ABCC2: variants seen among roughly 807,000 people sequenced by gnomAD.
ABCC2 encodes the protein ATP binding cassette subfamily C member 2, also known as ATP-binding cassette sub-family C member 2.
Under a neutral mutation model 173.4 loss-of-function variants are expected in ABCC2, and 157 were observed. The ratio of observed to expected loss-of-function variants is 0.91; its 90% CI spans 0.80 to 1.03. ABCC2 has a LOEUF of 1.03. Among genes scored for constraint, ABCC2 ranks in the 50% least tolerant of loss-of-function variants. The pLI is 0.00. For missense variants in ABCC2, 1,822 were observed against 1,852.3 expected, an observed-to-expected ratio of 0.98 and a Z score of 0.30; for synonymous variants, 657 against 693.5, an observed-to-expected ratio of 0.95 and a Z score of 0.83.
chr10:99,790,636 G>A (rs1312000377), intron 2 of ABCC2, among the ~76,000 whole-genome samples: 1 of 152,022 alleles, frequency 6.6e-6, no homozygotes, highest in African/African-American at 2.4e-5. Flanking sequence ...TTACCTAAAG[G>A]CAACCATAGC....
chr10:99,851,442 A>G, intron 31 of ABCC2, 60 bp from the exon 32 acceptor site: 3 of 1,605,808 alleles, frequency 1.9e-6, no homozygotes, highest in Non-Finnish European at 2.6e-6. Flanking sequence ...TTATTCTTAT[A>G]AATGCCTAGA....
Position 99,834,476 on chromosome 10 carries a change from GC to G in ABCC2, c.3357del (p.Thr1120LeufsTer29). 1 of 1,614,102 alleles carries G rather than the reference GC, an allele frequency of 6.2e-7. No homozygotes were observed. Among genetic ancestry groups the G allele is most frequent in the African/African-American group, 1.3e-5 (1 of 75,028 alleles). ...IISTLVMICM[A>X]TPVFTIIVIP... ...CAGCACCCTTGTCATGATCTGCATG[GC>G]CACTCCTGTCTTCACCATCATCGTC... On this transcript the variant is annotated frameshift_variant, in exon 24 of 32. Coordinates refer to ENST00000647814, the MANE Select transcript of ABCC2 (RefSeq NM_000392.5). LOFTEE classifies it high-confidence loss of function.
intron 2 of ABCC2, among the ~76,000 whole-genome samples, chr10:99,789,747 AAGAAAAGG>A (rs2037782757): frequency 8.5e-6 from 1 of 116,980 alleles, no homozygotes; most frequent in African/African-American, 3.3e-5. Flanking sequence ...AAGAAAAAGA[AAGAAAAGG>A]AAAGGTGGAG....
At chr10:99,804,752 T>G (rs377661465) in intron 10 of ABCC2, among the ~76,000 whole-genome samples, 1 of 152,230 alleles carries the variant, frequency 6.6e-6, no homozygotes, top group Admixed American at 6.5e-5. Context: ...GTGGGTGGAC[T>G]TGACAGTGTA....
At chr10:99,826,045 A>C (rs537579629) in intron 19 of ABCC2, among the ~76,000 whole-genome samples, 49 of 152,270 alleles carry the variant, frequency 3.2e-4, no homozygotes, top group African/African-American at 7.0e-4. Context: ...TGACTAGCCC[A>C]ATGTTTTCCT....
At chr10:99,816,999 C>T (rs1482486479) in intron 16 of ABCC2, among the ~76,000 whole-genome samples, 2 of 152,196 alleles carry the variant, frequency 1.3e-5, no homozygotes, top group African/African-American at 4.8e-5. Flanking sequence ...TCCTAGTAAA[C>T]TCAATTGGGT....
chr10:99,791,468 T>C (rs2037811211), intron 2 of ABCC2, among the ~76,000 whole-genome samples: 1 of 152,190 alleles, frequency 6.6e-6, no homozygotes. Context: ...AACCTAGTAC[T>C]TTCTGTTGCT....
rs1462317841 is a variant in ABCC2, at chr10:99,841,913, T to G, written c.3615-54T>G. 2.0e-5 allele frequency: 33 copies of G among 1,613,484 alleles called. 1 individual carries two copies. The South Asian group carries it at 3.6e-4, about 18-fold the overall frequency. On this transcript the variant is annotated intron_variant, in intron 25 of 31. Coordinates refer to ENST00000647814, the MANE Select transcript of ABCC2 (RefSeq NM_000392.5). ...GTTCTGTGAACGCCAAGGTTGCTGG[T>G]TAAGATGAGGACGTGATCAGTGACA...
chr10:99,784,199 C>A (rs1187623582), intron 1 of ABCC2, among the ~76,000 whole-genome samples: 1 of 152,188 alleles, frequency 6.6e-6, no homozygotes, highest in East Asian at 1.9e-4. Flanking sequence ...ATGGCGCCTG[C>A]ATGTTTGAAT....
chr10:99,784,481 A>G, intron 1 of ABCC2, 127 bp from the exon 2 acceptor site: 1 of 1,023,624 alleles, frequency 9.8e-7, no homozygotes, highest in Non-Finnish European at 1.5e-6. Flanking sequence ...ACGGATAGTT[A>G]AAGGGTAAGG....
intron 19 of ABCC2, among the ~76,000 whole-genome samples, chr10:99,820,852 C>T (rs917135264): frequency 3.9e-5 from 6 of 152,124 alleles, no homozygotes; most frequent in Non-Finnish European, 8.8e-5. Context: ...GGGTGTTTCT[C>T]GTAAGGTGGA....
At chr10:99,818,985 T>C (rs1057291728) in intron 18 of ABCC2, 28 bp downstream of exon 18, 1 of 1,609,062 alleles carries the variant, frequency 6.2e-7, no homozygotes, top group Non-Finnish European at 8.5e-7. Context: ...ATGATGAAGA[T>C]ATAAAGGTGG....
Position 99,794,485 on chromosome 10 carries a change from TA to T in ABCC2, c.632+18del. On this transcript the variant is annotated intron_variant, in intron 6 of 31. Coordinates refer to ENST00000647814, the MANE Select transcript of ABCC2 (RefSeq NM_000392.5). ...GTATGACAGGTAGGAAAGCCTGGAG[TA>T]TGGATTGGCTGTATCCTTACTCTCT... is the stretch of plus-strand genomic sequence containing the variant. The T allele has an allele frequency of 6.2e-7, 1 of 1,605,768 alleles. No homozygotes were observed.
chr10:99,851,710 A>G lies in ABCC2; in HGVS notation c.*79A>G. On this transcript the variant is annotated 3_prime_UTR_variant, in exon 32 of 32. Transcript: ENST00000647814. ...TTATTTTTTATAAAATACAGAATAC[A>G]TACAAAAGTGTGTATAAAATGTACG... 7.5e-7 allele frequency: 1 copy of G among 1,338,086 alleles called. No individual in the cohort carries two copies. The highest frequency in any genetic ancestry group is 2.0e-5 in the Admixed American group (1 of 48,898). The allele number at this position is 1,338,086 out of a possible 1,614,324, so 82.9% of individuals were successfully genotyped here.
At position 99,831,808 on chromosome 10, in the gene ABCC2, C is replaced by A; in HGVS notation, c.3081C>A (p.Tyr1027Ter). Residue 1027 changes from tyrosine to a stop codon, truncating the protein, a stop_gained, in exon 22 of 32, where the codon TAC (tyrosine) becomes TAA (stop). Transcript: ENST00000647814. LOFTEE classifies it high-confidence loss of function. ...AGAGGGACATGAGAGTTGGAGTCTA[C>A]GGAGCTCTGGGATTAGCCCAAGGTA... Reference protein sequence around the residue: ...ASQRDMRVGVYGALGLAQGIF... With the variant: ...ASQRDMRVGV 1.2e-6 allele frequency: 2 copies of A among 1,614,158 alleles called. No individual in the cohort carries two copies. Among genetic ancestry groups the A allele is most frequent in the Non-Finnish European group, 1.7e-6 (2 of 1,180,028 alleles).
chr10:99,815,633 A>G (rs1432562698), intron 16 of ABCC2, among the ~76,000 whole-genome samples: 1 of 152,170 alleles, frequency 6.6e-6, no homozygotes, highest in Non-Finnish European at 1.5e-5. Context: ...CAAACAGAGG[A>G]GTATCTATAG....
chr10:99,846,643 G>T (rs937952408), intron 29 of ABCC2, among the ~76,000 whole-genome samples: 2 of 152,226 alleles, frequency 1.3e-5, no homozygotes, highest in African/African-American at 4.8e-5. Flanking sequence ...GGAGGCTGAG[G>T]TGGAAGCATC....
chr10:99,843,700 T>C lies in ABCC2; in HGVS notation c.3742-99T>C. 3 of 960,340 alleles carry C rather than the reference T, an allele frequency of 3.1e-6. No homozygotes were observed. The South Asian group carries it at 3.9e-5, about 12-fold the overall frequency. The allele number at this position is 960,340 out of a possible 1,614,324, so 59.5% of individuals were successfully genotyped here. ...TACTCCCTTGTAGAGTCCAGCACAG[T>C]GCTGGGTACAAAGTCGGCACTGGAT... On this transcript the variant is annotated intron_variant, in intron 26 of 31. Coordinates refer to ENST00000647814, the MANE Select transcript of ABCC2 (RefSeq NM_000392.5).
intron 19 of ABCC2, among the ~76,000 whole-genome samples, chr10:99,823,585 G>A (rs74411481): frequency 0.64 from 87,959 of 137,312 alleles, 28,765 homozygotes; most frequent in East Asian, 0.78. Context: ...GCCGATTGAT[G>A]TGGAGTTTTG....
Sources: allele counts gnomAD v4.1 joint callset (sites outside exome capture counted in the v4.1 genomes callset), GRCh38; gene constraint gnomAD v4.1.1; transcripts MANE v1.5; gene names NCBI Gene and HGNC (gene_info 2026-07-23, HGNC 2026-07-21).